Variants in MTUS2 observed in about 807,000 individuals in gnomAD.
MTUS2 encodes the protein microtubule associated scaffold protein 2.
In MTUS2, 40 loss-of-function variants were observed where a neutral mutation model predicts 114.1. The observed-to-expected ratio is 0.35, with a 90% CI of 0.27 to 0.46. The LOEUF is 0.46. MTUS2 is among the 20% of genes least tolerant of loss of function. The pLI is 1.00. For missense variants in MTUS2, 1,679 were observed against 1,705.4 expected, an observed-to-expected ratio of 0.98 and a Z score of 0.27; for synonymous variants, 688 against 672.0, an observed-to-expected ratio of 1.02 and a Z score of -0.37.
rs73161840 is a variant in MTUS2, at chr13:28,882,616, A to C, written c.-243+42766A>C. ...CCTGGGTGTGGTGACATGTTTCTGT[A>C]GTCTCAATTACTCAGGAGGCTGAGG... On this transcript the variant is annotated intron_variant, in intron 2 of 15. Transcript: ENST00000612955. Among the ~76,000 whole-genome samples, 657 of 152,190 alleles carry C rather than the reference A, an allele frequency of 4.3e-3. 4 individuals carry two copies. The highest frequency in any genetic ancestry group is 7.4e-3 in the Non-Finnish European group (500 of 67,996).
At chr13:29,343,216 T>C (rs11838613) in intron 7 of MTUS2, among the ~76,000 whole-genome samples, 11,625 of 152,096 alleles carry the variant, frequency 0.076, 1,427 homozygotes, top group African/African-American at 0.26. Flanking sequence ...TTTGAATTAG[T>C]GTCAATAGGA....
intron 8 of MTUS2, among the ~76,000 whole-genome samples, chr13:29,370,714 A>C (rs1360030017): frequency 6.6e-6 from 1 of 152,204 alleles, no homozygotes; most frequent in Non-Finnish European, 1.5e-5. Flanking sequence ...TGGGTTACCC[A>C]GTCTGTGGTA....
chr13:29,136,485 A>C (rs1047327328), intron 5 of MTUS2, among the ~76,000 whole-genome samples: 1 of 152,176 alleles, frequency 6.6e-6, no homozygotes, highest in Non-Finnish European at 1.5e-5. Flanking sequence ...TGGGACTTTC[A>C]GTCCTACCCT....
chr13:28,920,803 G>T (rs1335413085), intron 2 of MTUS2, among the ~76,000 whole-genome samples: 2 of 152,160 alleles, frequency 1.3e-5, no homozygotes, highest in Non-Finnish European at 2.9e-5. Context: ...CTTTCCATAG[G>T]CAGAGGAGCC....
chr13:28,837,574 C>T (rs1875178970), intron 1 of MTUS2, among the ~76,000 whole-genome samples: 1 of 152,148 alleles, frequency 6.6e-6, no homozygotes, highest in South Asian at 2.1e-4. Flanking sequence ...ATATCTACTT[C>T]ACAGACTTTA....
chr13:29,017,445 C>T (rs1886113081), intron 2 of MTUS2, among the ~76,000 whole-genome samples: 1 of 152,176 alleles, frequency 6.6e-6, no homozygotes, highest in South Asian at 2.1e-4. Flanking sequence ...GCAGACCTGG[C>T]AGCTAAGGAG....
chr13:29,354,915 C>T (rs538620692), intron 7 of MTUS2, among the ~76,000 whole-genome samples: 4 of 152,196 alleles, frequency 2.6e-5, no homozygotes, highest in Non-Finnish European at 4.4e-5. Context: ...CTGTCTGTCA[C>T]GATGCTGACC....
At chr13:29,113,127 A>G (rs1401169510) in intron 5 of MTUS2, among the ~76,000 whole-genome samples, 2 of 152,206 alleles carry the variant, frequency 1.3e-5, no homozygotes, top group Non-Finnish European at 2.9e-5. Context: ...ATGATAATTT[A>G]TAGCAATTAA....
rs76495732 is a variant in MTUS2 at position 29,427,866 on chromosome 13, T to G, written c.3118-12117T>G. On this transcript the variant is annotated intron_variant, in intron 8 of 15. Transcript: ENST00000612955. ...AAAATCAATCATGTAAATATTTGCTTCTTTTACTTTCAGGATTACACAAAT... is the reference window on the plus strand; with the variant it reads ...AAAATCAATCATGTAAATATTTGCTGCTTTTACTTTCAGGATTACACAAAT... 3.4e-3 allele frequency among the ~76,000 whole-genome samples: 516 copies of G among 152,350 alleles called. 12 individuals carry two copies. The East Asian group carries it at 0.065, about 19-fold the overall frequency.
chr13:29,409,577 T>C (rs956826365), intron 8 of MTUS2, among the ~76,000 whole-genome samples: 3 of 152,212 alleles, frequency 2.0e-5, no homozygotes, highest in African/African-American at 7.2e-5. Context: ...GGTTCTCCTA[T>C]TGTTTCTGTT....
intron 2 of MTUS2, among the ~76,000 whole-genome samples, chr13:28,929,024 G>A (rs1377139600): frequency 6.6e-6 from 1 of 152,168 alleles, no homozygotes; most frequent in East Asian, 1.9e-4. Context: ...AACATGGTTG[G>A]AACTGGAGGT....
At chr13:29,232,034 TA>T (rs1896343393) in intron 5 of MTUS2, among the ~76,000 whole-genome samples, 2 of 152,218 alleles carry the variant, frequency 1.3e-5, no homozygotes, top group African/African-American at 4.8e-5. Context: ...AATGGTAATT[TA>T]CATTTGGCCT....
chr13:29,075,114 C>A (rs1170288708), intron 4 of MTUS2, among the ~76,000 whole-genome samples: 1 of 152,138 alleles, frequency 6.6e-6, no homozygotes, highest in East Asian at 1.9e-4. Flanking sequence ...TCTGTGTGAC[C>A]TTTTATGTCT....
At chr13:29,345,942 C>T (rs1301698294) in intron 7 of MTUS2, among the ~76,000 whole-genome samples, 1 of 151,966 alleles carries the variant, frequency 6.6e-6, no homozygotes, top group Non-Finnish European at 1.5e-5. Context: ...GTCTAGCCAC[C>T]TAGCTGAGCT....
intron 2 of MTUS2, among the ~76,000 whole-genome samples, chr13:28,848,751 G>A (rs763075139): frequency 5.9e-5 from 9 of 152,018 alleles, no homozygotes; most frequent in Non-Finnish European, 7.4e-5. Context: ...TTTTTGGCTC[G>A]AATGGTCTCG....
intron 2 of MTUS2, among the ~76,000 whole-genome samples, chr13:28,939,347 G>A (rs1882098115): frequency 6.6e-6 from 1 of 152,100 alleles, no homozygotes; most frequent in African/African-American, 2.4e-5. Flanking sequence ...ATTTTTAACT[G>A]GAGAAATAAA....
chr13:28,952,650 C>T (rs1882867726), intron 2 of MTUS2, among the ~76,000 whole-genome samples: 2 of 152,130 alleles, frequency 1.3e-5, no homozygotes, highest in Non-Finnish European at 2.9e-5. Flanking sequence ...AACATATAAA[C>T]ATAAGGGGTT....
intron 5 of MTUS2, among the ~76,000 whole-genome samples, chr13:29,142,541 T>TA (rs374328957): frequency 4.0e-5 from 6 of 151,870 alleles, no homozygotes; most frequent in African/African-American, 1.2e-4. Context: ...CCGTCTCTAC[T>TA]AAAAAAATAC....
intron 10 of MTUS2, among the ~76,000 whole-genome samples, chr13:29,486,265 G>C (rs946024659): frequency 3.3e-5 from 5 of 152,198 alleles, no homozygotes; most frequent in African/African-American, 1.2e-4. Context: ...CCATGGGTCT[G>C]CTGTAGGTTT....
Sources: allele counts gnomAD v4.1 joint callset (sites outside exome capture counted in the v4.1 genomes callset), GRCh38; gene constraint gnomAD v4.1.1; transcripts MANE v1.5; gene names NCBI Gene and HGNC (gene_info 2026-07-23, HGNC 2026-07-21).